ZNF777: variants seen among roughly 807,000 people sequenced by gnomAD.
The protein encoded by ZNF777 is zinc finger protein 777.
Under a neutral mutation model 72.1 loss-of-function variants are expected in ZNF777, and 7 were observed. That is an observed-to-expected ratio of 0.10 (90% CI 0.06 to 0.18). The LOEUF is 0.18. Ranked by LOEUF, ZNF777 falls within the 10% of genes least tolerant of loss-of-function variation. The probability of loss-of-function intolerance (pLI) is 1.00; values close to 1 mark genes in which losing one functional copy is unlikely to be tolerated. For synonymous variants in ZNF777, 545 were observed against 483.5 expected (o/e 1.13, Z -1.67); for missense variants, 828 against 1,128.6 (o/e 0.73, Z 3.82).
At chr7:149,458,428 A>AAAG (rs755052481) in intron 1 of ZNF777, among the ~76,000 whole-genome samples, 2 of 151,960 alleles carry the variant, frequency 1.3e-5, no homozygotes, top group African/African-American at 2.4e-5. Context: ...CTAGCACTAG[A>AAAG]AAGAAGAAGA....
intron 4 of ZNF777, among the ~76,000 whole-genome samples, chr7:149,449,129 C>A (rs1220124175): frequency 6.6e-6 from 1 of 152,220 alleles, no homozygotes; most frequent in Non-Finnish European, 1.5e-5. Flanking sequence ...TTTGCAGAAC[C>A]AGCCTGCAAT....
At chr7:149,447,384 G>A (rs1474921599) in intron 4 of ZNF777, among the ~76,000 whole-genome samples, 1 of 152,160 alleles carries the variant, frequency 6.6e-6, no homozygotes, top group East Asian at 1.9e-4. Flanking sequence ...GCTCTTTGAT[G>A]TCTCACAGGG....
chr7:149,432,719 G>A lies in ZNF777; in HGVS notation c.1553C>T (p.Pro518Leu), dbSNP rs766475264. ...LGNPAVKRLA[P>L]SVHGERHLSE... ...CAGGTGCCGCTCACCGTGCACGGAG[G>A]GCGCCAGCCTTTTCACTGCGGGGTT... The change falls in exon 6 of 6, where the codon CCC becomes CTC. Residue 518 changes from proline (P) to leucine (L), a missense_variant. Pro to Leu is a moderately conservative substitution (Grantham distance 98). Coordinates refer to ENST00000247930, the MANE Select transcript of ZNF777 (RefSeq NM_015694.3). 17 of 1,612,028 alleles carry A rather than the reference G, an allele frequency of 1.1e-5. No homozygotes were observed. The South Asian group carries it at 1.8e-4, about 17-fold the overall frequency.
intron 4 of ZNF777, among the ~76,000 whole-genome samples, chr7:149,441,555 A>C (rs1189548258): frequency 6.6e-6 from 1 of 152,240 alleles, no homozygotes; most frequent in African/African-American, 2.4e-5. Flanking sequence ...TTGTTTTGAA[A>C]GGATTCTTGT....
rs370542669 is a variant in ZNF777, at chr7:149,455,360, G to A, written c.663C>T (p.Ala221=). The change falls in exon 2 of 6, where the codon GCC becomes GCT. Residue 221 remains alanine (A), a synonymous_variant. Transcript: ENST00000247930. The surrounding 1 kb of genome is among the most constrained non-coding windows in gnomAD (Gnocchi z 4.2). ...ACTCCACGGCTGTCTTCTCGCAGTC[G>A]GCTATCTTCTTTTCATTTGTCCCCG... The part of the protein sequence containing the change: ...GRTGTNEKKI[A]DCEKTAVEFA... 166 of 1,614,074 alleles carry A rather than the reference G, an allele frequency of 1.0e-4. No individual in the cohort carries two copies. The African/African-American group carries it at 1.2e-3, about 12-fold the overall frequency.
Position 149,460,064 on chromosome 7 carries a change from C to A in ZNF777, c.-16+751G>T. ...AGGCCGGGCCGCCGAGCCCGGGACA[C>A]GCAGGCCGTCCCCGGGGCCCCGAGG... On this transcript the variant is annotated intron_variant, in intron 1 of 5. Transcript: ENST00000247930. This position sits in a 1 kb window ranked among gnomAD's most constrained non-coding sequence, Gnocchi z 6.1. 1 of 982,016 alleles carries A rather than the reference C, an allele frequency of 1.0e-6. No individual in the cohort carries two copies. The highest frequency in any genetic ancestry group is 1.2e-6 in the Non-Finnish European group (1 of 828,612). 60.8% of individuals were successfully genotyped at this position (982,016 alleles called of 1,614,324 possible). A position where few individuals can be genotyped will look rare whatever the true frequency, so the allele number is the denominator to read the frequency against.
chr7:149,444,700 G>C (rs1160399265), intron 4 of ZNF777, among the ~76,000 whole-genome samples: 3 of 152,206 alleles, frequency 2.0e-5, no homozygotes, highest in Non-Finnish European at 4.4e-5. Context: ...AATTTGAAAG[G>C]CACTACTCTA....
In ZNF777 at chr7:149,431,977, G is replaced by A; in HGVS notation, c.2295C>T (p.Leu765=). 3 of 1,610,170 alleles carry A rather than the reference G, an allele frequency of 1.9e-6. No homozygotes were observed. Among genetic ancestry groups the A allele is most frequent in the South Asian group, 2.2e-5 (2 of 91,002 alleles). Residue 765 remains leucine (L), a synonymous_variant, in exon 6 of 6, where the codon CTC becomes CTT. Transcript: ENST00000247930. The stretch of plus-strand genomic sequence containing the variant: ...CTGTGTGGATGCGCCGGTGTTCCAG[G>A]AGGTGGTGCTTGCGGATGAAGCTCT... ...CGKSFIRKHH[L]LEHRRIHTGE... is the part of the protein sequence containing the mutation.
Position 149,451,033 on chromosome 7 carries a change from A to T in ZNF777, c.1053T>A (p.Ser351=). The part of the protein sequence containing the change: ...ERPTMQEQED[S]EEGETPTDPS... ...GATCTGTCGGCGTTTCGCCCTCCTC[A>T]GAGTCTTCCTGCTCCTGCATGGTGG... Residue 351 remains serine, a synonymous_variant, in exon 4 of 6, where the codon TCT becomes TCA. Coordinates refer to ENST00000247930, the MANE Select transcript of ZNF777 (RefSeq NM_015694.3). 3 of 1,613,934 alleles carry T rather than the reference A, an allele frequency of 1.9e-6. No individual in the cohort carries two copies. Among genetic ancestry groups the T allele is most frequent in the Non-Finnish European group, 2.5e-6 (3 of 1,180,018 alleles).
Position 149,448,503 on chromosome 7 carries a change from AT to A in ZNF777, c.1087+2495del, listed in dbSNP as rs1563237656. ...AACAAAACTATATATATATATATAT[AT>A]ATATATAACTATATATAGTTATACA... On this transcript the variant is annotated intron_variant, in intron 4 of 5. Coordinates refer to ENST00000247930, the MANE Select transcript of ZNF777 (RefSeq NM_015694.3). Among the ~76,000 whole-genome samples, 74 of 133,476 alleles carry A rather than the reference AT, an allele frequency of 5.5e-4. 3 individuals are homozygous for A. Among genetic ancestry groups the A allele is most frequent in the African/African-American group, 2.1e-3 (69 of 33,240 alleles). The allele number at this position is 133,476 out of a possible 152,430, so 87.6% of individuals were successfully genotyped here. A position where few individuals can be genotyped will look rare whatever the true frequency, so the allele number is the denominator to read the frequency against.
In ZNF777 at chr7:149,440,678, T is replaced by G. The variant is rs982965242; in HGVS notation, c.1088-3852A>C. ...CAGCAGCCTGTTGTTTTTTTGTTTT[T>G]TTTTTTTTTTTTTTAAATAATGGGA... On this transcript the variant is annotated intron_variant, in intron 4 of 5. Transcript: ENST00000247930. Among the ~76,000 whole-genome samples, 574 of 146,298 alleles carry G rather than the reference T, an allele frequency of 3.9e-3. 2 individuals are homozygous for G. The highest frequency in any genetic ancestry group is 0.014 in the African/African-American group (527 of 36,918).
chr7:149,432,725 A>C lies in ZNF777; in HGVS notation c.1547T>G (p.Leu516Arg), dbSNP rs765560512. The change falls in exon 6 of 6, where the codon CTG becomes CGG. Residue 516 changes from leucine (L) to arginine (R), a missense_variant. Around this residue, in one of 12 missense-constraint regions of ZNF777, gnomAD observed 219 missense variants for 223.0 expected, o/e 0.98. Transcript: ENST00000247930. Reference protein sequence around the residue: ...LQLGNPAVKRLAPSVHGERHL... With the variant: ...LQLGNPAVKRRAPSVHGERHL... Reference sequence around the variant, plus strand: ...CCGCTCACCGTGCACGGAGGGCGCCAGCCTTTTCACTGCGGGGTTTCCTAG... The same window carrying C: ...CCGCTCACCGTGCACGGAGGGCGCCCGCCTTTTCACTGCGGGGTTTCCTAG... 2 of 1,612,220 alleles carry C rather than the reference A, an allele frequency of 1.2e-6. No homozygotes were observed. The highest frequency in any genetic ancestry group is 2.7e-5 in the African/African-American group (2 of 74,846).
chr7:149,458,581 G>A (rs1227331663), intron 1 of ZNF777, among the ~76,000 whole-genome samples: 3 of 152,026 alleles, frequency 2.0e-5, no homozygotes, highest in African/African-American at 7.2e-5. Context: ...GCAGACCAAG[G>A]CATCTTTACC....
Position 149,432,436 on chromosome 7 carries a change from G to C in ZNF777, c.1836C>G (p.Asn612Lys). ...CVSPERGPTF[N>K]PKHALKPRPK... ...GACGCGGCTTGAGCGCGTGCTTGGG[G>C]TTGAACGTGGGCCCGCGTTCGGGTG... is the stretch of plus-strand genomic sequence containing the variant. The change falls in exon 6 of 6, where the codon AAC (asparagine) becomes AAG (lysine). Residue 612 changes from asparagine (N) to lysine (K), a missense_variant. Around this residue, in one of 12 missense-constraint regions of ZNF777, gnomAD observed 100 missense variants for 106.2 expected, o/e 0.94. Coordinates refer to ENST00000247930, the MANE Select transcript of ZNF777 (RefSeq NM_015694.3). 1 of 1,613,472 alleles carries C rather than the reference G, an allele frequency of 6.2e-7. No homozygotes were observed. Among genetic ancestry groups the C allele is most frequent in the Non-Finnish European group, 8.5e-7 (1 of 1,179,922 alleles).
intron 3 of ZNF777, among the ~76,000 whole-genome samples, chr7:149,452,534 G>A (rs571046756): frequency 6.6e-6 from 1 of 150,490 alleles, no homozygotes; most frequent in Non-Finnish European, 1.5e-5. Flanking sequence ...TCGGGAGGCT[G>A]AGGTAGGAGA....
At chr7:149,449,222 T>G (rs1010683309) in intron 4 of ZNF777, among the ~76,000 whole-genome samples, 6 of 152,186 alleles carry the variant, frequency 3.9e-5, no homozygotes, top group Non-Finnish European at 8.8e-5. Context: ...TGTCCTCCCC[T>G]TTCCTCCCAC....
At chr7:149,456,263 C>T (rs1483227751) in intron 1 of ZNF777, among the ~76,000 whole-genome samples, 1 of 152,122 alleles carries the variant, frequency 6.6e-6, no homozygotes, top group African/African-American at 2.4e-5. Context: ...TTTTGTTTCT[C>T]ACAGAGCCAT....
intron 2 of ZNF777, among the ~76,000 whole-genome samples, chr7:149,454,525 G>A (rs1304756454): frequency 6.6e-6 from 1 of 152,206 alleles, no homozygotes; most frequent in Non-Finnish European, 1.5e-5. Context: ...AATAGCTTCT[G>A]CATTCAGTAA....
intron 5 of ZNF777, 41 bp from the exon 6 acceptor site, chr7:149,432,973 T>C: frequency 6.9e-7 from 1 of 1,450,080 alleles, no homozygotes; most frequent in Non-Finnish European, 9.1e-7. Context: ...AGCTGCTGCC[T>C]GGCGCCCCTA....
Sources: allele counts gnomAD v4.1 joint callset (sites outside exome capture counted in the v4.1 genomes callset), GRCh38; gene constraint gnomAD v4.1.1; regional missense constraint gnomAD v4.1.1; non-coding constraint Gnocchi (gnomAD v3.1); transcripts MANE v1.5; gene names NCBI Gene and HGNC (gene_info 2026-07-23, HGNC 2026-07-21).